DNAJC7: variants seen among roughly 807,000 people sequenced by gnomAD.
DNAJC7 encodes the protein dnaJ homolog subfamily C member 7.
DNAJC7 carries 18 observed loss-of-function variants against 67.4 expected under a neutral mutation model. The observed-to-expected ratio is 0.27, with a 90% CI of 0.18 to 0.40. The LOEUF is 0.40. DNAJC7 is among the 10% of genes least tolerant of loss of function. The probability of loss-of-function intolerance (pLI) is 1.00; values close to 1 mark genes in which losing one functional copy is unlikely to be tolerated. For synonymous variants in DNAJC7, 220 were observed against 207.8 expected (o/e 1.06, Z -0.50); for missense variants, 419 against 613.8 (o/e 0.68, Z 3.35).
chr17:42,006,822 C>T (rs187280815), intron 1 of DNAJC7, among the ~76,000 whole-genome samples: 608 of 13,054 alleles, frequency 0.047, 3 homozygotes, highest in African/African-American at 0.098. Flanking sequence ...AAAAAAAGTC[C>T]AGGCACGGTG....
At chr17:42,008,416 ATT>A (rs60604224) in intron 1 of DNAJC7, among the ~76,000 whole-genome samples, 11 of 149,532 alleles carry the variant, frequency 7.4e-5, no homozygotes, top group East Asian at 2.0e-4. Context: ...ATAGATATAG[ATT>A]TTTTTTTTTG....
chr17:41,977,975 A>G (rs1019783774), intron 12 of DNAJC7, among the ~76,000 whole-genome samples: 12 of 152,060 alleles, frequency 7.9e-5, no homozygotes, highest in Admixed American at 7.2e-4. Context: ...CAAACCAACA[A>G]AAACACCTAC....
intron 2 of DNAJC7, among the ~76,000 whole-genome samples, chr17:41,998,167 C>G (rs1198020521): frequency 6.9e-6 from 1 of 144,390 alleles, no homozygotes; most frequent in African/African-American, 2.9e-5. Flanking sequence ...CCAGCCCTGA[C>G]ACACTCTCTT....
At chr17:41,980,796 ATC>A (rs1220746729) in intron 12 of DNAJC7, among the ~76,000 whole-genome samples, 1 of 152,218 alleles carries the variant, frequency 6.6e-6, no homozygotes, top group African/African-American at 2.4e-5. Flanking sequence ...GGAAATTAAA[ATC>A]TGTGAGTGTT....
intron 4 of DNAJC7, among the ~76,000 whole-genome samples, chr17:41,995,746 G>A (rs955454580): frequency 6.6e-6 from 1 of 152,180 alleles, no homozygotes; most frequent in African/African-American, 2.4e-5. Context: ...TACTATATAT[G>A]GAGATGGAAC....
chr17:41,989,759 A>G (rs2051467129), intron 6 of DNAJC7, among the ~76,000 whole-genome samples: 1 of 152,236 alleles, frequency 6.6e-6, no homozygotes, highest in South Asian at 2.1e-4. Context: ...GTGTCTTACA[A>G]TCCTTATTAA....
chr17:42,008,343 A>G (rs2052025400), intron 1 of DNAJC7, among the ~76,000 whole-genome samples: 1 of 151,880 alleles, frequency 6.6e-6, no homozygotes, highest in African/African-American at 2.4e-5. Context: ...ACTATTCTAC[A>G]AGTGAAATGT....
Position 41,983,610 on chromosome 17 carries a change from T to C in DNAJC7, c.1037A>G (p.Glu346Gly). The C allele has an allele frequency of 6.2e-7, 1 of 1,603,620 alleles. No homozygotes were observed. The highest frequency in any genetic ancestry group is 2.2e-5 in the East Asian group (1 of 44,812). Residue 346 changes from glutamate (E) to glycine (G), a missense_variant, in exon 10 of 14, where the codon GAA becomes GGA. Transcript: ENST00000457167. ...TACTTTTTCATAGTCTCGTACTGCT[T>C]CTTCATACTGTTCTGTGTCCATGTA... ...QCYMDTEQYE[E>G]AVRDYEKVYQ...
chr17:41,976,933 C>T (rs1435553010), intron 13 of DNAJC7, 163 bp from the exon 14 acceptor site: 3 of 790,738 alleles, frequency 3.8e-6, no homozygotes, highest in Non-Finnish European at 6.0e-6. Context: ...CAAGAGGGAG[C>T]ACGTGACTGT....
rs57155070 is a variant in DNAJC7, at chr17:42,006,796, C to CAAA, written c.78-6229_78-6227dup. Reference sequence around the variant, plus strand: ...TGGGCAACAGAGCAAGACTCCGTCTCAAAAAAAAAAAAAAAAAAAAAAGTC... The same window carrying CAAA: ...TGGGCAACAGAGCAAGACTCCGTCTCAAAAAAAAAAAAAAAAAAAAAAAAAGTC... On this transcript the variant is annotated intron_variant, in intron 1 of 13. Coordinates refer to ENST00000457167, the MANE Select transcript of DNAJC7 (RefSeq NM_003315.4). 1.7e-3 allele frequency among the ~76,000 whole-genome samples: 40 copies of CAAA among 23,330 alleles called. 8 individuals carry two copies. Among genetic ancestry groups the CAAA allele is most frequent in the African/African-American group, 6.3e-3 (30 of 4,790 alleles). 15.3% of individuals were successfully genotyped at this position (23,330 alleles called of 152,430 possible).
At chr17:41,995,851 G>C (rs140886328) in intron 4 of DNAJC7, among the ~76,000 whole-genome samples, 1 of 151,992 alleles carries the variant, frequency 6.6e-6, no homozygotes, top group Non-Finnish European at 1.5e-5. Context: ...TCTGTTGCCC[G>C]GGCTATAGTG....
At chr17:41,982,502 T>C (rs1296190111) in intron 10 of DNAJC7, 101 bp from the exon 11 acceptor site, 14 of 1,447,598 alleles carry the variant, frequency 9.7e-6, no homozygotes, top group South Asian at 4.0e-5. Context: ...TTGTTAACCA[T>C]GCCAGGGACT....
chr17:42,009,714 T>C (rs2052066328), intron 1 of DNAJC7, among the ~76,000 whole-genome samples: 1 of 152,230 alleles, frequency 6.6e-6, no homozygotes, highest in East Asian at 1.9e-4. Context: ...TTTTCAGCAT[T>C]AGCCAGAGGC....
intron 1 of DNAJC7, 114 bp from the exon 2 acceptor site, chr17:42,000,684 G>T: frequency 1.4e-6 from 1 of 709,838 alleles, no homozygotes; most frequent in Non-Finnish European, 2.3e-6. Flanking sequence ...GAAAGTTAGT[G>T]TGATACTTGA....
At position 41,981,901 on chromosome 17, in the gene DNAJC7, G is replaced by T. The variant is rs782468009; in HGVS notation, c.1338C>A (p.Arg446=). The part of the protein sequence containing the change: ...TILSDPKKKT[R]YDSGQDLDEE... ...CATCTAGGTCCTGTCCACTGTCATA[G>T]CGAGTCTTTTTCTTGGGATCAGAGA... The change falls in exon 12 of 14, where the codon CGC becomes CGA. Residue 446 remains arginine, a synonymous_variant. Coordinates refer to ENST00000457167, the MANE Select transcript of DNAJC7 (RefSeq NM_003315.4). The T allele has an allele frequency of 1.2e-6, 2 of 1,613,970 alleles. No individual in the cohort carries two copies. The highest frequency in any genetic ancestry group is 3.3e-5 in the Admixed American group (2 of 60,010).
At chr17:42,007,429 C>G (rs1270380935) in intron 1 of DNAJC7, among the ~76,000 whole-genome samples, 1 of 152,152 alleles carries the variant, frequency 6.6e-6, no homozygotes, top group Non-Finnish European at 1.5e-5. Context: ...TTGCACTCTC[C>G]CTGACCTTCA....
chr17:41,980,558 T>C (rs797023514), intron 12 of DNAJC7, among the ~76,000 whole-genome samples: 6 of 152,200 alleles, frequency 3.9e-5, no homozygotes, highest in African/African-American at 1.4e-4. Flanking sequence ...GCTAATTTTT[T>C]TGTATTTTAG....
chr17:41,976,865 A>G (rs2051095826), intron 13 of DNAJC7, 95 bp from the exon 14 acceptor site: 1 of 1,479,802 alleles, frequency 6.8e-7, no homozygotes, highest in East Asian at 2.3e-5. Context: ...GGCTGCTTCA[A>G]ACTCAAACAC....
Position 41,996,393 on chromosome 17 carries a change from GAGAGGT to G in DNAJC7, c.317_322del (p.His106_Ser108delinsPro). The stretch of plus-strand genomic sequence containing the variant: ...ACATGCTGCCATGGCATTCCCCAGA[GAGAGGT>G]GGCACTTGCCCTCTCGTAGATGTCC... On this transcript the variant is annotated inframe_deletion, in exon 4 of 14. Transcript: ENST00000457167. 1 of 1,614,050 alleles carries G rather than the reference GAGAGGT, an allele frequency of 6.2e-7. No homozygotes were observed. The highest frequency in any genetic ancestry group is 8.5e-7 in the Non-Finnish European group (1 of 1,179,900).
Sources: gnomAD v4.1 joint callset for allele counts (sites outside exome capture counted in the v4.1 genomes callset) on GRCh38, gnomAD v4.1.1 for gene constraint, MANE v1.5 for transcripts, NCBI Gene and HGNC (gene_info 2026-07-23, HGNC 2026-07-21) for gene names.